The following SCARB1 variants were observed in gnomAD, a reference collection of about 807,000 sequenced individuals.
SCARB1 encodes CD36 and LIMPII analogous 1.
Under a neutral mutation model 57.2 loss-of-function variants are expected in SCARB1, and 30 were observed. That is an observed-to-expected ratio of 0.52 (90% CI 0.39 to 0.71). SCARB1 has a LOEUF of 0.71. Ranked by LOEUF, SCARB1 falls within the 30% of genes least tolerant of loss-of-function variation. The probability of loss-of-function intolerance (pLI) is 0.00; values close to 1 mark genes in which losing one functional copy is unlikely to be tolerated. For synonymous variants in SCARB1, 249 were observed against 268.3 expected, an observed-to-expected ratio of 0.93 and a Z score of 0.70; for missense variants, 543 against 671.2, an observed-to-expected ratio of 0.81 and a Z score of 2.11.
intron 7 of SCARB1, among the ~76,000 whole-genome samples, chr12:124,804,031 T>TC (rs374261739): frequency 8.0e-4 from 122 of 152,292 alleles, no homozygotes; most frequent in African/African-American, 2.9e-3. Flanking sequence ...ATGTCGTTTC[T>TC]CCCCCTTCTC....
rs775858958 is a variant in SCARB1, at chr12:124,810,292, G to A, written c.727-3C>T. The A allele has an allele frequency of 1.6e-5, 25 of 1,607,150 alleles. No homozygotes were observed. Among genetic ancestry groups the A allele is most frequent in the East Asian group, 1.1e-4 (5 of 44,830 alleles). ...TGATCGGAATGCCAGAAGTCAACCTGGGGGGAAGCATCCAGACTAGACCCC... is the reference window on the plus strand; with the variant it reads ...TGATCGGAATGCCAGAAGTCAACCTAGGGGGAAGCATCCAGACTAGACCCC... On this transcript the variant is annotated splice_region_variant and splice_polypyrimidine_tract_variant and intron_variant, in intron 5 of 12. Transcript: ENST00000261693. This position sits in a 1 kb window ranked among gnomAD's most constrained non-coding sequence, Gnocchi z 4.0.
rs2272310 is a variant in SCARB1, at chr12:124,787,132, C to T, written c.1254+274G>A. Among the ~76,000 whole-genome samples the T allele has an allele frequency of 0.062, 9,436 of 152,222 alleles. 758 individuals are homozygous for T. The highest frequency in any genetic ancestry group is 0.39 in the East Asian group (2,024 of 5,186). ...CTTTCAGGAGAAGAGGTCATATGCC[C>T]CAACAAAATTATTTTACACCCAGGG... is the stretch of plus-strand genomic sequence containing the variant. On this transcript the variant is annotated intron_variant, in intron 10 of 12. Coordinates refer to ENST00000261693, the MANE Select transcript of SCARB1 (RefSeq NM_005505.5).
Position 124,810,054 on chromosome 12 carries a change from A to G in SCARB1, c.842+120T>C, listed in dbSNP as rs1594262293. 1.4e-6 allele frequency: 1 copy of G among 711,158 alleles called. No individual in the cohort carries two copies. The highest frequency in any genetic ancestry group is 2.5e-6 in the Non-Finnish European group (1 of 394,738). The allele number at this position is 711,158 out of a possible 1,614,324, so 44.1% of individuals were successfully genotyped here. A position where few individuals can be genotyped will look rare whatever the true frequency, so the allele number is the denominator to read the frequency against. ...ACCAAAGAGAATTCAAGCTGGTGCC[A>G]AGGGCTACTGAGTCAAATCCACGAT... On this transcript the variant is annotated intron_variant, in intron 6 of 12. Transcript: ENST00000261693. The surrounding 1 kb of genome is among the most constrained non-coding windows in gnomAD (Gnocchi z 4.0).
At chr12:124,793,494 C>A (rs902741122) in intron 9 of SCARB1, among the ~76,000 whole-genome samples, 2 of 151,730 alleles carry the variant, frequency 1.3e-5, no homozygotes, top group African/African-American at 4.8e-5. Context: ...GAGATCGAGA[C>A]CAACCTGGCT....
At chr12:124,853,083 C>G (rs919733647) in intron 1 of SCARB1, among the ~76,000 whole-genome samples, 1 of 152,008 alleles carries the variant, frequency 6.6e-6, no homozygotes, top group Admixed American at 6.5e-5. Context: ...TGGGCAATCA[C>G]GGGGTGTCTT....
intron 10 of SCARB1, 81 bp from the exon 11 acceptor site, chr12:124,786,584 C>G: frequency 6.4e-7 from 1 of 1,571,460 alleles, no homozygotes. Flanking sequence ...ACACCTTCCT[C>G]TGTGCCCGCC....
At chr12:124,786,266 C>A (rs779527795) in intron 11 of SCARB1, 91 bp downstream of exon 11, 8 of 1,600,820 alleles carry the variant, frequency 5.0e-6, no homozygotes, top group Non-Finnish European at 5.1e-6. Flanking sequence ...CTCCAGGCTG[C>A]GGTTGGCCAG....
intron 1 of SCARB1, among the ~76,000 whole-genome samples, chr12:124,831,886 G>A (rs528784952): frequency 6.6e-6 from 1 of 152,290 alleles, no homozygotes; most frequent in Admixed American, 6.5e-5. Context: ...TCCCAGCAGA[G>A]GGGCGTCCTG....
chr12:124,803,826 T>C (rs1950228802), intron 7 of SCARB1, among the ~76,000 whole-genome samples: 2 of 151,988 alleles, frequency 1.3e-5, no homozygotes, highest in South Asian at 4.2e-4. Flanking sequence ...TCAAGGCTGC[T>C]GTGAGCTGTG....
At chr12:124,837,526 A>AGGG (rs1333719512) in intron 1 of SCARB1, among the ~76,000 whole-genome samples, 7,220 of 94,408 alleles carry the variant, frequency 0.076, 539 homozygotes, top group African/African-American at 0.16. Flanking sequence ...AAAGAAAGGA[A>AGGG]AGAAAAAGAA....
rs972673580 is a variant in SCARB1, at chr12:124,800,339, C to T, written c.1010-97G>A. On this transcript the variant is annotated intron_variant, in intron 7 of 12. Transcript: ENST00000261693. This position sits in a 1 kb window ranked among gnomAD's most constrained non-coding sequence, Gnocchi z 4.8. The stretch of plus-strand genomic sequence containing the variant: ...GCACAGAGCTGTGGTCTGCAGGGCA[C>T]CCCCGTGGCGATGACAAGATAACCA... 8.1e-6 allele frequency: 7 copies of T among 869,284 alleles called. No individual in the cohort carries two copies. The highest frequency in any genetic ancestry group is 2.0e-5 in the Admixed American group (1 of 51,084). 53.8% of individuals were successfully genotyped at this position (869,284 alleles called of 1,614,324 possible).
intron 7 of SCARB1, among the ~76,000 whole-genome samples, chr12:124,806,501 T>C (rs1415206901): frequency 6.6e-6 from 1 of 152,198 alleles, no homozygotes; most frequent in Non-Finnish European, 1.5e-5. Flanking sequence ...CCTCATTTCA[T>C]GTCATTTAGG....
intron 1 of SCARB1, among the ~76,000 whole-genome samples, chr12:124,836,984 C>T (rs1168901360): frequency 1.3e-5 from 2 of 152,122 alleles, no homozygotes; most frequent in Non-Finnish European, 2.9e-5. Context: ...CCAGCACAGG[C>T]GTGGCAAGTA....
At chr12:124,795,368 A>C (rs557777297) in intron 8 of SCARB1, 100 bp from the exon 9 acceptor site, 11 of 921,648 alleles carry the variant, frequency 1.2e-5, no homozygotes, top group East Asian at 2.5e-5. Context: ...TGGGCGTCCC[A>C]GCTAACTGCC....
At chr12:124,837,146 G>T (rs1036195922) in intron 1 of SCARB1, among the ~76,000 whole-genome samples, 7 of 152,168 alleles carry the variant, frequency 4.6e-5, no homozygotes, top group Admixed American at 1.3e-4. Flanking sequence ...ACTCCAGGCA[G>T]CCCACCTCTA....
At chr12:124,813,564 A>G (rs1950594295) in intron 4 of SCARB1, among the ~76,000 whole-genome samples, 1 of 152,206 alleles carries the variant, frequency 6.6e-6, no homozygotes, top group Admixed American at 6.5e-5. Context: ...TTTGCAAAGC[A>G]CTTCAGGATT....
At chr12:124,797,267 G>A (rs1949971601) in intron 8 of SCARB1, among the ~76,000 whole-genome samples, 1 of 152,112 alleles carries the variant, frequency 6.6e-6, no homozygotes, top group Non-Finnish European at 1.5e-5. Context: ...TTTGAATTCT[G>A]TCATTACAAT....
chr12:124,821,827 G>GC (rs1950967175), intron 1 of SCARB1, among the ~76,000 whole-genome samples: 1 of 152,060 alleles, frequency 6.6e-6, no homozygotes, highest in Non-Finnish European at 1.5e-5. Context: ...GATGGACTTT[G>GC]CCCTGCTTTT....
intron 7 of SCARB1, among the ~76,000 whole-genome samples, chr12:124,805,808 G>C (rs1438814573): frequency 2.1e-5 from 3 of 139,566 alleles, no homozygotes; most frequent in African/African-American, 8.0e-5. Flanking sequence ...GGCCTGAAGT[G>C]ATCCTCCCAC....
Sources: gnomAD v4.1 joint callset for allele counts (sites outside exome capture counted in the v4.1 genomes callset) on GRCh38, gnomAD v4.1.1 for gene constraint, Gnocchi (gnomAD v3.1) non-coding constraint, MANE v1.5 for transcripts, NCBI Gene and HGNC (gene_info 2026-07-23, HGNC 2026-07-21) for gene names.